The following WWP1 variants were observed in gnomAD, a reference collection of about 807,000 sequenced individuals.
WWP1 encodes the protein NEDD4-like E3 ubiquitin-protein ligase WWP1.
Under a neutral mutation model 130.6 loss-of-function variants are expected in WWP1, and 49 were observed. That is an observed-to-expected ratio of 0.38 (90% CI 0.30 to 0.48). The LOEUF (loss-of-function observed/expected upper bound fraction) is 0.48. Among genes scored for constraint, WWP1 ranks in the 20% least tolerant of loss-of-function variants. The probability of loss-of-function intolerance (pLI) is 0.99; values close to 1 mark genes in which losing one functional copy is unlikely to be tolerated. For missense variants in WWP1, 809 were observed against 1,100.6 expected (o/e 0.74, Z 3.75); for synonymous variants, 332 against 367.8 (o/e 0.90, Z 1.11).
rs779921371 is a variant in WWP1 at position 86,411,831 on chromosome 8, C to T, written c.1018C>T (p.Arg340Trp). Residue 340 changes from arginine to tryptophan, a missense_variant, in exon 9 of 25, where the codon CGG becomes TGG. By Grantham distance (101) the Arg-to-Trp change is moderately radical (BLOSUM62 -3). This residue lies in a region of WWP1 where 97 missense variants were observed against 80.4 expected (regional missense o/e 1.21). Transcript: ENST00000517970. ...GCCAGATGGGTGTATGGATCCTGTA[C>T]GGCAGCAGTCTGGGAATGCCAACAC... ...RQPDGCMDPV[R>W]QQSGNANTET... is the part of the protein sequence containing the mutation. The T allele has an allele frequency of 3.8e-5, 61 of 1,612,888 alleles. 1 individual carries two copies. Among genetic ancestry groups the T allele is most frequent in the South Asian group, 3.2e-4 (29 of 91,022 alleles).
intron 5 of WWP1, among the ~76,000 whole-genome samples, chr8:86,382,860 T>C (rs185179734): frequency 6.6e-6 from 1 of 152,234 alleles, no homozygotes; most frequent in Non-Finnish European, 1.5e-5. Context: ...ATTTTTGCTC[T>C]TCTTATTTCT....
intron 9 of WWP1, among the ~76,000 whole-genome samples, chr8:86,424,552 C>T (rs561768509): frequency 0.014 from 2,151 of 149,938 alleles, 52 homozygotes; most frequent in African/African-American, 0.049. Context: ...TCTGCAATCC[C>T]GGCACCTCGG....
At chr8:86,373,151 AGT>A (rs1377068973) in intron 2 of WWP1, among the ~76,000 whole-genome samples, 1 of 148,088 alleles carries the variant, frequency 6.8e-6, no homozygotes, top group African/African-American at 2.5e-5. Context: ...TTCTATTTAT[AGT>A]TTTCAAATTT....
At chr8:86,383,626 C>G (rs981630551) in intron 5 of WWP1, among the ~76,000 whole-genome samples, 4 of 152,106 alleles carry the variant, frequency 2.6e-5, no homozygotes, top group Non-Finnish European at 4.4e-5. Flanking sequence ...CCTGTAATCC[C>G]AGCTACTCAG....
chr8:86,425,200 T>C (rs763284623), intron 9 of WWP1, 23 bp from the exon 10 acceptor site: 1 of 1,588,554 alleles, frequency 6.3e-7, no homozygotes, highest in South Asian at 1.1e-5. Flanking sequence ...TCTCTTACTG[T>C]TATTTTTGTA....
At chr8:86,409,285 G>A (rs1220133232) in intron 8 of WWP1, among the ~76,000 whole-genome samples, 1 of 131,032 alleles carries the variant, frequency 7.6e-6, no homozygotes, top group African/African-American at 2.9e-5. Flanking sequence ...CCAGGTTGGA[G>A]TACAGTGGCG....
chr8:86,428,293 T>C (rs1468254065), intron 11 of WWP1, among the ~76,000 whole-genome samples: 2 of 152,206 alleles, frequency 1.3e-5, no homozygotes, highest in African/African-American at 2.4e-5. Context: ...TCGAAAGTTT[T>C]ATCCAAAAAA....
At chr8:86,348,545 C>T (rs998119129) in intron 1 of WWP1, among the ~76,000 whole-genome samples, 7 of 152,164 alleles carry the variant, frequency 4.6e-5, no homozygotes, top group Admixed American at 4.6e-4. Context: ...ATCTACAGTT[C>T]ACTCACAGCA....
intron 2 of WWP1, among the ~76,000 whole-genome samples, chr8:86,369,844 G>A (rs1029165558): frequency 6.6e-6 from 1 of 151,934 alleles, no homozygotes; most frequent in African/African-American, 2.4e-5. Context: ...AATTACACTT[G>A]ATGAGTTAGT....
rs200667503 is a variant in WWP1, at chr8:86,398,414, C to T, written c.407C>T (p.Thr136Ile). 1.1e-5 allele frequency: 18 copies of T among 1,612,676 alleles called. No individual in the cohort carries two copies. The South Asian group carries it at 1.9e-4, about 17-fold the overall frequency. Residue 136 changes from threonine (T) to isoleucine (I), a missense_variant, in exon 6 of 25, where the codon ACA becomes ATA. Thr to Ile is a moderately conservative substitution (Grantham distance 89, BLOSUM62 -1). Around this residue, in one of 3 missense-constraint regions of WWP1, gnomAD observed 262 missense variants for 346.0 expected, o/e 0.76. Transcript: ENST00000517970. ...GGCATAGCACAAACTGGTGAATTGA[C>T]AGTTGTGCTTGATGGATTGGTGATT... The part of the protein sequence containing the change: ...KNGIAQTGEL[T>I]VVLDGLVIEQ...
At chr8:86,416,577 C>CTTT (rs561660860) in intron 9 of WWP1, among the ~76,000 whole-genome samples, 1 of 140,456 alleles carries the variant, frequency 7.1e-6, no homozygotes, top group Non-Finnish European at 1.6e-5. Flanking sequence ...TTCCACATTT[C>CTTT]TTTTTTTTTT....
chr8:86,423,792 G>A (rs1274072197), intron 9 of WWP1, among the ~76,000 whole-genome samples: 1 of 141,254 alleles, frequency 7.1e-6, no homozygotes, highest in African/African-American at 2.7e-5. Context: ...CTTCCCAGAA[G>A]GGGCGGCCGG....
At chr8:86,388,605 G>A (rs182040137) in intron 5 of WWP1, among the ~76,000 whole-genome samples, 3 of 152,000 alleles carry the variant, frequency 2.0e-5, no homozygotes, top group Non-Finnish European at 4.4e-5. Flanking sequence ...TTTGGTCTGT[G>A]TTCTGGTTTT....
At chr8:86,390,404 G>C (rs375759074) in intron 5 of WWP1, among the ~76,000 whole-genome samples, 1 of 152,190 alleles carries the variant, frequency 6.6e-6, no homozygotes. Flanking sequence ...GCCTGGGCAA[G>C]ATTGAGCACT....
intron 9 of WWP1, among the ~76,000 whole-genome samples, chr8:86,422,665 G>A (rs1031639370): frequency 9.2e-5 from 14 of 151,980 alleles, no homozygotes; most frequent in African/African-American, 3.4e-4. Flanking sequence ...GAGCCACCAC[G>A]CCCGGCCCAC....
intron 1 of WWP1, among the ~76,000 whole-genome samples, chr8:86,347,187 G>C (rs1413674392): frequency 6.6e-6 from 1 of 152,002 alleles, no homozygotes; most frequent in Non-Finnish European, 1.5e-5. Flanking sequence ...GGGTCTTGCT[G>C]TGTTTCCTCA....
At position 86,451,214 on chromosome 8, in the gene WWP1, T is replaced by TAAAAAAAAAAAAAAAAA. The variant is rs61141803; in HGVS notation, c.2274-1322_2274-1306dup. On this transcript the variant is annotated intron_variant, in intron 20 of 24. Transcript: ENST00000517970. The stretch of plus-strand genomic sequence containing the variant: ...GCAACCGAGTGAGACCCTATGTTAT[T>TAAAAAAAAAAAAAAAAA]AAAAAAAAAAAAAAAAAAAAAAAAA... Among the ~76,000 whole-genome samples the TAAAAAAAAAAAAAAAAA allele has an allele frequency of 4.4e-4, 19 of 43,678 alleles. 3 individuals are homozygous for TAAAAAAAAAAAAAAAAA. The highest frequency in any genetic ancestry group is 5.1e-4 in the Non-Finnish European group (12 of 23,620). 28.7% of individuals were successfully genotyped at this position (43,678 alleles called of 152,430 possible).
intron 10 of WWP1, 57 bp downstream of exon 10, chr8:86,425,375 A>G (rs1809562272): frequency 5.1e-6 from 7 of 1,365,946 alleles, no homozygotes; most frequent in Non-Finnish European, 7.2e-6. Flanking sequence ...TGTGGTTTTT[A>G]AATTTATTTA....
chr8:86,401,799 C>T (rs1044807685), intron 7 of WWP1, among the ~76,000 whole-genome samples: 2 of 151,998 alleles, frequency 1.3e-5, no homozygotes, highest in Non-Finnish European at 2.9e-5. Flanking sequence ...GTAATTAAAA[C>T]TTTAATATAA....
Sources: gnomAD v4.1 joint callset for allele counts (sites outside exome capture counted in the v4.1 genomes callset) on GRCh38, gnomAD v4.1.1 for gene constraint, gnomAD v4.1.1 regional missense constraint, MANE v1.5 for transcripts, NCBI Gene and HGNC (gene_info 2026-07-23, HGNC 2026-07-21) for gene names.